Variants in WDFY4 observed in about 807,000 individuals in gnomAD.
The protein encoded by WDFY4 is WD repeat- and FYVE domain-containing protein 4.
A neutral mutation model predicts 351.9 loss-of-function variants in WDFY4; 169 were observed. The ratio of observed to expected loss-of-function variants is 0.48; its 90% CI spans 0.42 to 0.55. The LOEUF (loss-of-function observed/expected upper bound fraction) is 0.55. WDFY4 is among the 20% of genes least tolerant of loss of function. The probability of loss-of-function intolerance (pLI) is 0.00; values close to 1 mark genes in which losing one functional copy is unlikely to be tolerated. For synonymous variants in WDFY4, 1,622 were observed against 1,574.6 expected, an observed-to-expected ratio of 1.03 and a Z score of -0.71; for missense variants, 3,803 against 3,935.6, an observed-to-expected ratio of 0.97 and a Z score of 0.90.
At chr10:48,955,129 T>A (rs61577400) in intron 51 of WDFY4, among the ~76,000 whole-genome samples, 2,699 of 152,342 alleles carry the variant, frequency 0.018, 71 homozygotes, top group African/African-American at 0.06. Flanking sequence ...AGATTAAATA[T>A]ACAATGCTCC....
At chr10:48,729,345 T>G in intron 7 of WDFY4, 87 bp from the exon 8 acceptor site, 2 of 1,502,076 alleles carry the variant, frequency 1.3e-6, no homozygotes, top group Non-Finnish European at 1.8e-6. Context: ...CAGATCCCCA[T>G]TGGCTCTGTC....
chr10:48,686,165 A>G (rs2136280739), intron 1 of WDFY4, among the ~76,000 whole-genome samples: 1 of 152,134 alleles, frequency 6.6e-6, no homozygotes. Context: ...ATGAACTTGG[A>G]AAGATTTTCT....
Position 48,731,232 on chromosome 10 carries a change from C to A in WDFY4, c.1252C>A (p.Arg418=), listed in dbSNP as rs768346274. Residue 418 remains arginine (R), a synonymous_variant, in exon 9 of 62, where the codon CGA becomes AGA. Transcript: ENST00000325239. ...VIRTMWAWNA[R]NFFLLEWTLQ... ...CAGGACCATGTGGGCCTGGAATGCT[C>A]GAAACTTCTTCCTGCTGGAGTGGAC... 17 of 1,551,900 alleles carry A rather than the reference C, an allele frequency of 1.1e-5. No individual in the cohort carries two copies. In the South Asian group the frequency reaches 1.3e-4, roughly 12 times the overall value.
chr10:48,926,665 A>G (rs1042000554), intron 47 of WDFY4, among the ~76,000 whole-genome samples: 16 of 152,212 alleles, frequency 1.1e-4, no homozygotes, highest in African/African-American at 3.9e-4. Context: ...TCATAGATGT[A>G]CCATATATAT....
rs762402351 is a variant in WDFY4, at chr10:48,897,434, C to A, written c.7317-20C>A. 21 of 1,549,364 alleles carry A rather than the reference C, an allele frequency of 1.4e-5. No individual in the cohort carries two copies. Among genetic ancestry groups the A allele is most frequent in the Non-Finnish European group, 1.7e-5 (19 of 1,145,896 alleles). On this transcript the variant is annotated intron_variant, in intron 44 of 61. Coordinates refer to ENST00000325239, the MANE Select transcript of WDFY4 (RefSeq NM_001394531.1). ...CTCTGATGTCTGAACATGTGCCCTGCATGCCTGTTTCCTTTTCAGCATCAG... is the reference window on the plus strand; with the variant it reads ...CTCTGATGTCTGAACATGTGCCCTGAATGCCTGTTTCCTTTTCAGCATCAG...
intron 1 of WDFY4, among the ~76,000 whole-genome samples, chr10:48,688,611 T>C (rs959405175): frequency 7.9e-5 from 12 of 152,188 alleles, no homozygotes; most frequent in Non-Finnish European, 1.5e-4. Flanking sequence ...CTGATTCTTG[T>C]TCAAAATGCA....
chr10:48,779,978 A>G lies in WDFY4; in HGVS notation c.3435A>G (p.Ala1145=). ...CTGAGGATGACTCCGAGCCTTCTGC[A>G]GGATGCCAGCTTCAGGTCAGGTGTG... ...MEPEDDSEPS[A]GCQLQVRCGQ... is the part of the protein sequence containing the mutation. The change falls in exon 19 of 62, where the codon GCA becomes GCG. Residue 1145 remains alanine (A), a synonymous_variant. Transcript: ENST00000325239. The G allele has an allele frequency of 6.4e-7, 1 of 1,551,822 alleles. No homozygotes were observed. Among genetic ancestry groups the G allele is most frequent in the Non-Finnish European group, 8.7e-7 (1 of 1,147,008 alleles).
chr10:48,945,792 G>C (rs1040367883), intron 49 of WDFY4, among the ~76,000 whole-genome samples: 9 of 152,140 alleles, frequency 5.9e-5, no homozygotes, highest in African/African-American at 2.2e-4. Flanking sequence ...TTCTGATTTG[G>C]GTCAACTTGG....
Position 48,980,928 on chromosome 10 carries a change from G to T in WDFY4, c.9377-439G>T, listed in dbSNP as rs373104575. On this transcript the variant is annotated intron_variant, in intron 60 of 61. Coordinates refer to ENST00000325239, the MANE Select transcript of WDFY4 (RefSeq NM_001394531.1). ...TTCTCAGCATTTAATTACTGGTTGT[G>T]GCGTGAGAGGATTAAGATAAGTTGA... 1.6e-4 allele frequency among the ~76,000 whole-genome samples: 24 copies of T among 152,276 alleles called. No individual in the cohort carries two copies. The East Asian group carries it at 4.4e-3, about 28-fold the overall frequency.
chr10:48,812,598 A>T (rs1196614106), intron 30 of WDFY4, among the ~76,000 whole-genome samples: 3 of 152,128 alleles, frequency 2.0e-5, no homozygotes, highest in Admixed American at 6.5e-5. Context: ...CTGCCCCTTG[A>T]TAACACTCCT....
At chr10:48,857,370 TG>T (rs2069171648) in intron 39 of WDFY4, among the ~76,000 whole-genome samples, 1 of 151,838 alleles carries the variant, frequency 6.6e-6, no homozygotes, top group African/African-American at 2.4e-5. Flanking sequence ...CTCTTGGTGG[TG>T]GGGAATACAC....
intron 47 of WDFY4, among the ~76,000 whole-genome samples, chr10:48,904,685 A>G (rs565432218): frequency 5.3e-5 from 8 of 152,212 alleles, no homozygotes; most frequent in African/African-American, 1.9e-4. Flanking sequence ...CACACCGTAC[A>G]TGCTCTATCC....
At chr10:48,947,435 A>G (rs1175903367) in intron 51 of WDFY4, among the ~76,000 whole-genome samples, 1 of 152,234 alleles carries the variant, frequency 6.6e-6, no homozygotes, top group Non-Finnish European at 1.5e-5. Flanking sequence ...TTACCCACCC[A>G]TACGCTAACA....
chr10:48,825,966 T>A (rs2067981377), intron 35 of WDFY4, among the ~76,000 whole-genome samples: 1 of 152,228 alleles, frequency 6.6e-6, no homozygotes, highest in Admixed American at 6.5e-5. Flanking sequence ...TTTAACTAGA[T>A]CCCATTGTCA....
chr10:48,884,612 C>T (rs764110096), intron 43 of WDFY4, among the ~76,000 whole-genome samples: 9 of 152,142 alleles, frequency 5.9e-5, no homozygotes, highest in Admixed American at 6.5e-5. Flanking sequence ...CATGTGTGCA[C>T]GTGCACACAC....
intron 1 of WDFY4, among the ~76,000 whole-genome samples, chr10:48,691,717 T>A (rs1434825826): frequency 6.6e-6 from 1 of 152,258 alleles, no homozygotes; most frequent in African/African-American, 2.4e-5. Flanking sequence ...AGCGCTCTAA[T>A]ATCGACTTTT....
Position 48,812,199 on chromosome 10 carries a change from G to GTT in WDFY4, c.5214+499_5214+500dup, listed in dbSNP as rs5784778. ...CTTTTCTTTTTTTTTTGTTTTTTTT[G>GTT]TTTTTTTTTGAGACAGAGTCTTACT... is the stretch of plus-strand genomic sequence containing the variant. On this transcript the variant is annotated intron_variant, in intron 30 of 61. Coordinates refer to ENST00000325239, the MANE Select transcript of WDFY4 (RefSeq NM_001394531.1). Among the ~76,000 whole-genome samples, 30 of 137,298 alleles carry GTT rather than the reference G, an allele frequency of 2.2e-4. 1 individual carries two copies. Among genetic ancestry groups the GTT allele is most frequent in the African/African-American group, 6.0e-4 (21 of 35,038 alleles). The allele number at this position is 137,298 out of a possible 152,430, so 90.1% of individuals were successfully genotyped here.
intron 27 of WDFY4, among the ~76,000 whole-genome samples, chr10:48,807,369 C>G (rs1046899621): frequency 2.6e-5 from 4 of 152,178 alleles, no homozygotes; most frequent in African/African-American, 9.7e-5. Context: ...TTTCTTCTTC[C>G]CCTTGCTCCA....
chr10:48,776,795 C>T lies in WDFY4; in HGVS notation c.2909C>T (p.Ala970Val), dbSNP rs1353294718. The T allele has an allele frequency of 2.6e-6, 4 of 1,551,076 alleles. 1 individual carries two copies. The Admixed American group carries it at 5.9e-5, about 23-fold the overall frequency. Residue 970 changes from alanine to valine, a missense_variant, in exon 16 of 62, where the codon GCC becomes GTC. Around this residue, in one of 3 missense-constraint regions of WDFY4, gnomAD observed 3,054 missense variants for 3,148.6 expected, o/e 0.97. Transcript: ENST00000325239. ...TTGGCTGAGGGGCCCTGGCCAGCTG[C>T]CCCAGATGCTGGGCTGCACCCTGGA... The part of the protein sequence containing the change: ...QGLAEGPWPA[A>V]PDAGLHPGVT...
Sources: gnomAD v4.1 joint callset for allele counts (sites outside exome capture counted in the v4.1 genomes callset) on GRCh38, gnomAD v4.1.1 for gene constraint, gnomAD v4.1.1 regional missense constraint, MANE v1.5 for transcripts, NCBI Gene and HGNC (gene_info 2026-07-23, HGNC 2026-07-21) for gene names.